The following ASB14 variants were observed in gnomAD, a reference collection of about 807,000 sequenced individuals.
ASB14 encodes ankyrin repeat and SOCS box containing 14.
Under a neutral mutation model 55.6 loss-of-function variants are expected in ASB14, and 63 were observed. The observed-to-expected ratio is 1.13, with a 90% confidence interval of 0.92 to 1.40. The LOEUF is 1.40. Ranked by LOEUF, ASB14 falls within the 40% of genes most tolerant of loss-of-function variation. ASB14 has a pLI of 0.00. For synonymous variants in ASB14, 256 were observed against 259.9 expected (o/e 0.98, Z 0.15); for missense variants, 724 against 710.4 (o/e 1.02, Z -0.22).
intron 10 of ASB14, among the ~76,000 whole-genome samples, chr3:57,274,573 G>C (rs571090397): frequency 6.6e-6 from 1 of 152,142 alleles, no homozygotes; most frequent in Non-Finnish European, 1.5e-5. Flanking sequence ...TGTGATTCCA[G>C]CTACTCGGGA....
rs2060912794 is a variant in ASB14, at chr3:57,268,712, C to A, written c.*929G>T. The stretch of plus-strand genomic sequence containing the variant: ...GTAATATGACTGTTTCAAAAATATA[C>A]CAGAACTTTAATATTTCAGAGGAGG... On this transcript the variant is annotated 3_prime_UTR_variant, in exon 11 of 11. Coordinates refer to ENST00000487349, the MANE Select transcript of ASB14 (RefSeq NM_001142733.3). 3.3e-6 allele frequency: 1 copy of A among 306,314 alleles called. No individual in the cohort carries two copies. Among genetic ancestry groups the A allele is most frequent in the Non-Finnish European group, 5.7e-6 (1 of 174,956 alleles). 19.0% of individuals were successfully genotyped at this position (306,314 alleles called of 1,614,324 possible).
chr3:57,271,070 C>T (rs2060934980), intron 10 of ASB14: 1 of 152,004 alleles, frequency 6.6e-6, no homozygotes, highest in South Asian at 2.1e-4. Context: ...CATAGTCACA[C>T]ATTTACAAAT....
intron 3 of ASB14, 37 bp downstream of exon 3, chr3:57,289,031 C>T: frequency 7.0e-7 from 1 of 1,431,858 alleles, no homozygotes; most frequent in Non-Finnish European, 9.5e-7. Context: ...GTCACCGTCA[C>T]ATCTTACCAC....
intron 6 of ASB14, among the ~76,000 whole-genome samples, chr3:57,280,795 C>T (rs981442027): frequency 1.3e-5 from 2 of 151,860 alleles, no homozygotes; most frequent in African/African-American, 4.9e-5. Flanking sequence ...CCTATAAAAG[C>T]CCACTTAACT....
Position 57,278,636 on chromosome 3 carries a change from TGGAGGCA to T in ASB14, c.1165_1171del (p.Cys389ArgfsTer2). ...ATAGTTGCCCATCCTGAGGGCTATC[TGGAGGCA>T]GTTAACCGGGTCTTGATTAGGCAGA... is the stretch of plus-strand genomic sequence containing the variant. On this transcript the variant is annotated frameshift_variant, in exon 8 of 11. Transcript: ENST00000487349. LOFTEE classifies it high-confidence loss of function. The T allele has an allele frequency of 1.2e-6, 2 of 1,614,224 alleles. No homozygotes were observed. Among genetic ancestry groups the T allele is most frequent in the Non-Finnish European group, 1.7e-6 (2 of 1,180,032 alleles).
intron 5 of ASB14, 108 bp from the exon 6 acceptor site, chr3:57,283,547 C>T (rs536520002): frequency 2.6e-6 from 3 of 1,149,224 alleles, no homozygotes; most frequent in Non-Finnish European, 3.7e-6. Context: ...CCACCCACTC[C>T]CAGACCCGAA....
chr3:57,284,678 A>G (rs2061066529), intron 5 of ASB14, among the ~76,000 whole-genome samples: 1 of 152,316 alleles, frequency 6.6e-6, no homozygotes, highest in South Asian at 2.1e-4. Context: ...GTTTTTACAT[A>G]TGTGATTTTT....
At chr3:57,288,858 G>T in intron 3 of ASB14, 2 of 397,094 alleles carry the variant, frequency 5.0e-6, no homozygotes, top group Non-Finnish European at 9.1e-6. Context: ...GGGATTACAG[G>T]CGCCCGCCAC....
At chr3:57,278,117 T>C (rs2061005418) in intron 8 of ASB14, among the ~76,000 whole-genome samples, 197 bp from the exon 9 acceptor site, 1 of 152,186 alleles carries the variant, frequency 6.6e-6, no homozygotes, top group Non-Finnish European at 1.5e-5. Flanking sequence ...AAATAAATCA[T>C]TTAATCAGTT....
At chr3:57,290,576 C>T (rs1258090149) in intron 2 of ASB14, among the ~76,000 whole-genome samples, 1 of 152,188 alleles carries the variant, frequency 6.6e-6, no homozygotes, top group East Asian at 1.9e-4. Context: ...CTCCACATGT[C>T]ACAAGTATGT....
At position 57,289,108 on chromosome 3, in the gene ASB14, C is replaced by T; in HGVS notation, c.138G>A (p.Leu46=). ...CAACTATCTTCTTATAGTCAGCGCTCAAAAAGGAATGCAAACTGCAAAGAA... is the reference window on the plus strand; with the variant it reads ...CAACTATCTTCTTATAGTCAGCGCTTAAAAAGGAATGCAAACTGCAAAGAA... ...APKDESLHSF[L]SADYKKIVET... Residue 46 remains leucine, a synonymous_variant, in exon 3 of 11, where the codon TTG becomes TTA. Transcript: ENST00000487349. 2 of 1,529,098 alleles carry T rather than the reference C, an allele frequency of 1.3e-6. No individual in the cohort carries two copies. Among genetic ancestry groups the T allele is most frequent in the Non-Finnish European group, 1.8e-6 (2 of 1,140,020 alleles). The allele number at this position is 1,529,098 out of a possible 1,614,324, so 94.7% of individuals were successfully genotyped here.
rs2061010198 is a variant in ASB14 at position 57,278,605 on chromosome 3, CA to C, written c.1202del (p.Leu401ArgfsTer6). The C allele has an allele frequency of 1.9e-6, 3 of 1,614,090 alleles. No individual in the cohort carries two copies. Among genetic ancestry groups the C allele is most frequent in the Admixed American group, 1.7e-5 (1 of 60,008 alleles). ...QIALRMGNYE[L>X]ISLLLRHGAN... Reference sequence around the variant, plus strand: ...CCCCATGCCTTAGCAGCAGACTGATCAGCTCATAGTTGCCCATCCTGAGGGC... The same window carrying C: ...CCCCATGCCTTAGCAGCAGACTGATCGCTCATAGTTGCCCATCCTGAGGGC... On this transcript the variant is annotated frameshift_variant, in exon 8 of 11. Transcript: ENST00000487349. LOFTEE classifies it high-confidence loss of function.
chr3:57,273,259 A>AATTC (rs2060958898), intron 10 of ASB14: 1 of 152,634 alleles, frequency 6.6e-6, no homozygotes, highest in Non-Finnish European at 1.5e-5. Context: ...TGCAGTGTAC[A>AATTC]ATTCAAAATC....
chr3:57,270,086 G>T (rs539218744), intron 10 of ASB14: 2 of 155,548 alleles, frequency 1.3e-5, no homozygotes, highest in African/African-American at 4.8e-5. Flanking sequence ...GGAACATTTT[G>T]CTGGTGATGA....
In ASB14 at chr3:57,292,043, G is replaced by C; in HGVS notation, c.-10C>G. The C allele has an allele frequency of 6.5e-7, 1 of 1,533,758 alleles. No homozygotes were observed. Among genetic ancestry groups the C allele is most frequent in the South Asian group, 1.2e-5 (1 of 83,770 alleles). The stretch of plus-strand genomic sequence containing the variant: ...TGGTGTAATTATCCATGTGAAACGT[G>C]GACAGGTTTACTTTAAAGTCAGAGT... On this transcript the variant is annotated 5_prime_UTR_variant, in exon 2 of 11. Transcript: ENST00000487349.
intron 6 of ASB14, 68 bp from the exon 7 acceptor site, chr3:57,280,541 A>ATAT: frequency 3.6e-6 from 5 of 1,403,182 alleles, no homozygotes; most frequent in Non-Finnish European, 4.9e-6. Flanking sequence ...CAATCTTAAA[A>ATAT]ATATATCCCC....
At position 57,288,274 on chromosome 3, in the gene ASB14, G is replaced by C; in HGVS notation, c.191C>G (p.Ala64Gly). 2 of 1,537,182 alleles carry C rather than the reference G, an allele frequency of 1.3e-6. No homozygotes were observed. The highest frequency in any genetic ancestry group is 2.4e-5 in the East Asian group (1 of 40,912). The change falls in exon 4 of 11, where the codon GCA becomes GGA. Residue 64 changes from alanine (A) to glycine (G), a missense_variant. Transcript: ENST00000487349. ...ATGGTACTTGGTTAAGTGTGACAAT[G>C]CATCTTCCTTACCTATTAACGAGTC... ...VETIEKGKED[A>G]LSHLTKYHSA...
intron 7 of ASB14, 89 bp downstream of exon 7, chr3:57,280,213 T>C: frequency 3.8e-6 from 3 of 797,908 alleles, no homozygotes; most frequent in Non-Finnish European, 5.4e-6. Context: ...GGATCAGTGA[T>C]TAAAGATTAT....
chr3:57,276,962 T>C (rs1206864238), intron 9 of ASB14, among the ~76,000 whole-genome samples: 1 of 152,084 alleles, frequency 6.6e-6, no homozygotes, highest in Non-Finnish European at 1.5e-5. Flanking sequence ...CTGTGAGATC[T>C]GAAGTTCTTA....
Sources: gnomAD v4.1 joint callset for allele counts (sites outside exome capture counted in the v4.1 genomes callset) on GRCh38, gnomAD v4.1.1 for gene constraint, MANE v1.5 for transcripts, NCBI Gene and HGNC (gene_info 2026-07-23, HGNC 2026-07-21) for gene names.